DLG3: variants seen among roughly 807,000 people sequenced by gnomAD.
DLG3 encodes the protein discs large MAGUK scaffold protein 3.
In DLG3, 1 loss-of-function variant was observed where a neutral mutation model predicts 64.1. The ratio of observed to expected loss-of-function variants is 0.02; its 90% CI spans 0.01 to 0.07. DLG3 has a LOEUF of 0.07. DLG3 is among the 10% of genes least tolerant of loss of function. DLG3 has a pLI of 1.00. For missense variants in DLG3, 429 were observed against 669.5 expected (o/e 0.64, Z 3.96); for synonymous variants, 245 against 259.8 (o/e 0.94, Z 0.55).
rs745801759 is a variant in DLG3, at chrX:70,460,296, A to C, written c.1405+5980A>C. Among the ~76,000 whole-genome samples, 196 of 108,890 alleles carry C rather than the reference A, an allele frequency of 1.8e-3. 1 individual carries two copies. The highest frequency in any genetic ancestry group is 3.2e-3 in the Non-Finnish European group (170 of 52,402). The allele number at this position is 108,890 out of a possible 115,157, so 94.6% of individuals were successfully genotyped here. A position where few individuals can be genotyped will look rare whatever the true frequency, so the allele number is the denominator to read the frequency against. ...AGACTCTGTCTCAAAAAAAAAAAAA[A>C]AAAAAAAAAAACTCCCAAATCTCAG... is the stretch of plus-strand genomic sequence containing the variant. On this transcript the variant is annotated intron_variant, in intron 9 of 18. Coordinates refer to ENST00000374360, the MANE Select transcript of DLG3 (RefSeq NM_021120.4).
chrX:70,501,071 C>A, intron 18 of DLG3, 82 bp downstream of exon 18: 1 of 775,773 alleles, frequency 1.3e-6, no homozygotes, highest in Non-Finnish European at 1.9e-6. Flanking sequence ...GAGGTGTAGA[C>A]AGAATGTAGA....
intron 9 of DLG3, among the ~76,000 whole-genome samples, chrX:70,459,952 A>G (rs1462993576): frequency 1.8e-5 from 2 of 110,838 alleles, no homozygotes; most frequent in African/African-American, 6.6e-5. Context: ...TCACTCTGAG[A>G]CTCTTCAAGT....
chrX:70,478,706 C>T (rs963124346), intron 9 of DLG3, among the ~76,000 whole-genome samples: 2 of 111,567 alleles, frequency 1.8e-5, no homozygotes, highest in African/African-American at 6.5e-5. Context: ...CAGGTCCTTT[C>T]CAGCCCCTCC....
At chrX:70,487,075 C>G (rs2087267938) in intron 10 of DLG3, among the ~76,000 whole-genome samples, 1 of 112,099 alleles carries the variant, frequency 8.9e-6, no homozygotes, top group African/African-American at 3.2e-5. Context: ...TTTTTGGTTA[C>G]ACGAAATATA....
intron 1 of DLG3, chrX:70,448,536 G>T (rs1330123721): frequency 1.4e-5 from 16 of 1,106,726 alleles, no homozygotes; most frequent in Non-Finnish European, 2.0e-5. Flanking sequence ...CACTGGGTGT[G>T]GCATGGTTTG....
At chrX:70,464,214 CCTTTCCTTTCCTTTCT>C (rs2086850353) in intron 9 of DLG3, among the ~76,000 whole-genome samples, 1 of 101,469 alleles carries the variant, frequency 9.9e-6, no homozygotes, top group Non-Finnish European at 2.0e-5. Context: ...CCTTTCCTTT[CCTTTCCTTTCCTTTCT>C]CTTTCCTTTC....
At chrX:70,472,272 GC>G (rs1223182643) in intron 9 of DLG3, among the ~76,000 whole-genome samples, 2 of 112,388 alleles carry the variant, frequency 1.8e-5, no homozygotes, top group Non-Finnish European at 3.8e-5. Context: ...AATTTTCTCG[GC>G]TGGGTGCAGT....
At chrX:70,497,208 C>T (rs766306457) in intron 13 of DLG3, 6 of 1,209,720 alleles carry the variant, frequency 5.0e-6, no homozygotes, top group African/African-American at 3.5e-5. Context: ...CCAGTGACAG[C>T]GAAAGCAGTT....
At chrX:70,459,227 C>G (rs1457291403) in intron 9 of DLG3, among the ~76,000 whole-genome samples, 1 of 112,097 alleles carries the variant, frequency 8.9e-6, no homozygotes, top group Non-Finnish European at 1.9e-5. Flanking sequence ...TAAATCCAGG[C>G]AGGCTGGGGG....
intron 6 of DLG3, 95 bp downstream of exon 6, chrX:70,450,878 C>A: frequency 1.9e-6 from 2 of 1,072,149 alleles, no homozygotes; most frequent in Non-Finnish European, 2.6e-6. Context: ...AGAGGGCAAG[C>A]AGCTTTGCTC....
rs2087537709 is a variant in DLG3, at chrX:70,500,596, A to C, written c.2255+16A>C. 9.0e-7 allele frequency: 1 copy of C among 1,114,967 alleles called. No individual in the cohort carries two copies. The highest frequency in any genetic ancestry group is 1.2e-6 in the Non-Finnish European group (1 of 808,575). 91.9% of individuals were successfully genotyped at this position (1,114,967 alleles called of 1,213,427 possible). A position where few individuals can be genotyped will look rare whatever the true frequency, so the allele number is the denominator to read the frequency against. On this transcript the variant is annotated intron_variant, in intron 17 of 18. Transcript: ENST00000374360. ...AAGCCCTTATGTAAGTGTTGAACTG[A>C]GAACTCAGACACACCAAGCTAAGAT...
At chrX:70,481,553 C>T (rs5980948) in intron 10 of DLG3, among the ~76,000 whole-genome samples, 17,465 of 111,385 alleles carry the variant, frequency 0.16, 1,201 homozygotes, top group Non-Finnish European at 0.2. Context: ...ATGTCAACAT[C>T]CAGGTTGGGA....
At chrX:70,476,382 G>A (rs1012908753) in intron 9 of DLG3, among the ~76,000 whole-genome samples, 4 of 111,325 alleles carry the variant, frequency 3.6e-5, no homozygotes, top group Non-Finnish European at 7.5e-5. Flanking sequence ...CATTGGCTGC[G>A]ATGGCTGTGT....
chrX:70,454,741 A>AC (rs1473726903), intron 9 of DLG3, among the ~76,000 whole-genome samples: 1 of 110,218 alleles, frequency 9.1e-6, no homozygotes, highest in Non-Finnish European at 1.9e-5. Context: ...AACCTCTGTG[A>AC]CCCCCACTCC....
At chrX:70,501,397 GTGTC>G (rs200567686) in intron 18 of DLG3, among the ~76,000 whole-genome samples, 30 of 97,278 alleles carry the variant, frequency 3.1e-4, no homozygotes, top group South Asian at 2.0e-3. Flanking sequence ...GTCTGTTGGG[GTGTC>G]TGTCTGTCTG....
chrX:70,450,145 C>A (rs373430026), intron 4 of DLG3, 24 bp from the exon 5 acceptor site: 2 of 1,210,503 alleles, frequency 1.7e-6, no homozygotes, highest in African/African-American at 3.5e-5. Context: ...GGCCCTCTCC[C>A]ACCTCCTGCT....
At chrX:70,497,340 A>G (rs1435445749) in intron 13 of DLG3, 2 of 726,956 alleles carry the variant, frequency 2.8e-6, no homozygotes, top group African/African-American at 4.2e-5. Flanking sequence ...TTAGCCATGT[A>G]CACTTTGAGA....
Position 70,454,811 on chromosome X carries a change from G to A in DLG3, c.1405+495G>A, listed in dbSNP as rs151183435. On this transcript the variant is annotated intron_variant, in intron 9 of 18. Coordinates refer to ENST00000374360, the MANE Select transcript of DLG3 (RefSeq NM_021120.4). Reference sequence around the variant, plus strand: ...AAACGCGCTGAAAAGGTGATACTATGCCCTTGGGATAGGCCAACTGGAGTC... The same window carrying A: ...AAACGCGCTGAAAAGGTGATACTATACCCTTGGGATAGGCCAACTGGAGTC... 4.3e-3 allele frequency among the ~76,000 whole-genome samples: 491 copies of A among 112,936 alleles called. 2 individuals are homozygous for A. The highest frequency in any genetic ancestry group is 6.9e-3 in the Non-Finnish European group (367 of 53,259).
rs184214787 is a variant in DLG3 at position 70,475,539 on chromosome X, G to A, written c.1406-3611G>A. Among the ~76,000 whole-genome samples the A allele has an allele frequency of 5.6e-3, 622 of 111,714 alleles. 2 individuals carry two copies. The highest frequency in any genetic ancestry group is 0.019 in the African/African-American group (593 of 30,771). On this transcript the variant is annotated intron_variant, in intron 9 of 18. Coordinates refer to ENST00000374360, the MANE Select transcript of DLG3 (RefSeq NM_021120.4). ...ACACCTGGCTGATTTTTGTAGAGAC[G>A]GGGTTTCACCATGTTGGCCACACTG...
Sources: gnomAD v4.1 joint callset for allele counts (sites outside exome capture counted in the v4.1 genomes callset) on GRCh38, gnomAD v4.1.1 for gene constraint, MANE v1.5 for transcripts, NCBI Gene and HGNC (gene_info 2026-07-23, HGNC 2026-07-21) for gene names.